The following DPYD variants were observed in gnomAD, a reference collection of about 807,000 sequenced individuals.
The protein encoded by DPYD is dihydropyrimidine dehydrogenase, also known as dihydropyrimidine dehydrogenase [NADP(+)].
DPYD carries 109 observed loss-of-function variants against 116.2 expected under a neutral mutation model. The observed-to-expected ratio is 0.94, with a 90% CI of 0.80 to 1.10. The LOEUF (loss-of-function observed/expected upper bound fraction) is 1.10. DPYD is among the 50% of genes least tolerant of loss of function. The pLI is 0.00. For synonymous variants in DPYD, 440 were observed against 432.0 expected, an observed-to-expected ratio of 1.02 and a Z score of -0.23; for missense variants, 1,302 against 1,254.5, an observed-to-expected ratio of 1.04 and a Z score of -0.57.
intron 20 of DPYD, among the ~76,000 whole-genome samples, chr1:97,182,495 G>A (rs981106174): frequency 1.3e-5 from 2 of 152,048 alleles, no homozygotes; most frequent in Non-Finnish European, 2.9e-5. Flanking sequence ...ATCATAGAAA[G>A]TGACCTCAAT....
intron 13 of DPYD, among the ~76,000 whole-genome samples, chr1:97,453,338 C>T (rs2101801881): frequency 6.6e-6 from 1 of 152,218 alleles, no homozygotes; most frequent in East Asian, 1.9e-4. Context: ...TCCATGACCA[C>T]CTAGGGTATT....
intron 14 of DPYD, among the ~76,000 whole-genome samples, chr1:97,412,494 C>T (rs1162134609): frequency 1.3e-5 from 2 of 152,062 alleles, no homozygotes; most frequent in Non-Finnish European, 2.9e-5. Context: ...AATGAAGTAA[C>T]TTTATGGGGT....
chr1:97,339,667 A>G (rs1242847045), intron 16 of DPYD, among the ~76,000 whole-genome samples: 1 of 152,212 alleles, frequency 6.6e-6, no homozygotes, highest in African/African-American at 2.4e-5. Flanking sequence ...TACCAGAAGC[A>G]AATCTCTTCT....
rs774730464 is a variant in DPYD, at chr1:97,920,902, C to T, written c.21G>A (p.Lys7=). The change falls in exon 1 of 23, where the codon AAG becomes AAA. Residue 7 remains lysine (K), a synonymous_variant. Coordinates refer to ENST00000370192, the MANE Select transcript of DPYD (RefSeq NM_000110.4). The part of the protein sequence containing the change: MAPVLS[K]DSADIESILA... ...TCCGTACCTCGATGTCCGCCGAGTC[C>T]TTACTGAGCACAGGGGCCATGGCAG... 7.3e-5 allele frequency: 117 copies of T among 1,593,690 alleles called. No homozygotes were observed. Among genetic ancestry groups the T allele is most frequent in the Non-Finnish European group, 9.4e-5 (110 of 1,170,600 alleles).
chr1:97,206,117 G>A (rs1463696200), intron 19 of DPYD, among the ~76,000 whole-genome samples: 4 of 151,648 alleles, frequency 2.6e-5, no homozygotes, highest in Middle Eastern at 3.2e-3. Flanking sequence ...GGAGGGGTAC[G>A]GAGCTTCCAT....
At chr1:97,171,510 C>T (rs17116539) in intron 20 of DPYD, among the ~76,000 whole-genome samples, 2,682 of 152,214 alleles carry the variant, frequency 0.018, 39 homozygotes, top group African/African-American at 0.029. Flanking sequence ...TAGGCAAGTG[C>T]GGAGGTTTTG....
rs115854321 is a variant in DPYD at position 97,783,100 on chromosome 1, C to T, written c.234-42621G>A. On this transcript the variant is annotated intron_variant, in intron 3 of 22. Coordinates refer to ENST00000370192, the MANE Select transcript of DPYD (RefSeq NM_000110.4). ...CCCTTTCTATTTCTTACAGAGCCAA[C>T]GCTGTTGAACAGAAAAGGATAAAAA... 2.8e-3 allele frequency among the ~76,000 whole-genome samples: 419 copies of T among 152,268 alleles called. 2 individuals carry two copies. Among genetic ancestry groups the T allele is most frequent in the African/African-American group, 8.9e-3 (370 of 41,552 alleles).
chr1:97,156,415 T>C (rs1655461522), intron 20 of DPYD, among the ~76,000 whole-genome samples: 1 of 151,596 alleles, frequency 6.6e-6, no homozygotes, highest in Admixed American at 6.6e-5. Flanking sequence ...CAAACAAATT[T>C]ACAAGAAAAA....
chr1:97,408,922 AG>A (rs1410099079), intron 14 of DPYD, among the ~76,000 whole-genome samples: 1 of 152,128 alleles, frequency 6.6e-6, no homozygotes, highest in African/African-American at 2.4e-5. Context: ...TTCATTTGTC[AG>A]GGGCTCTTGG....
At chr1:97,428,510 A>G (rs1674999470) in intron 14 of DPYD, among the ~76,000 whole-genome samples, 1 of 152,120 alleles carries the variant, frequency 6.6e-6, no homozygotes, top group African/African-American at 2.4e-5. Context: ...CAATAGAGGC[A>G]GGAAAGCAGT....
chr1:97,137,214 G>A (rs1367583867), intron 20 of DPYD, among the ~76,000 whole-genome samples: 3 of 152,144 alleles, frequency 2.0e-5, no homozygotes. Context: ...CACCAGACAC[G>A]GGCCTCAATG....
chr1:97,839,090 C>T (rs1219398629), intron 2 of DPYD, among the ~76,000 whole-genome samples: 2 of 152,144 alleles, frequency 1.3e-5, no homozygotes, highest in Non-Finnish European at 2.9e-5. Flanking sequence ...CTTTCTCCTA[C>T]AAAATACATC....
intron 14 of DPYD, among the ~76,000 whole-genome samples, chr1:97,389,615 T>C (rs1192189651): frequency 6.6e-6 from 1 of 152,038 alleles, no homozygotes; most frequent in African/African-American, 2.4e-5. Flanking sequence ...GCCATTCTTT[T>C]AGTGAATTCT....
At chr1:97,268,267 T>C (rs886502311) in intron 18 of DPYD, among the ~76,000 whole-genome samples, 3 of 152,112 alleles carry the variant, frequency 2.0e-5, no homozygotes, top group Non-Finnish European at 4.4e-5. Context: ...TGGCGTCTTA[T>C]GCCCGCAGTT....
chr1:97,835,280 G>T (rs979879461), intron 2 of DPYD, among the ~76,000 whole-genome samples: 1 of 152,020 alleles, frequency 6.6e-6, no homozygotes, highest in Admixed American at 6.6e-5. Flanking sequence ...TAAAATGAAG[G>T]TATCAATGAA....
At chr1:97,778,155 C>CAAAA (rs11434465) in intron 3 of DPYD, among the ~76,000 whole-genome samples, 1 of 11,040 alleles carries the variant, frequency 9.1e-5, no homozygotes, top group Non-Finnish European at 1.7e-4. Flanking sequence ...AAGACCCTGT[C>CAAAA]AAAAAAAAAA....
chr1:97,097,008 A>G (rs1292020786), intron 21 of DPYD, among the ~76,000 whole-genome samples: 1 of 152,146 alleles, frequency 6.6e-6, no homozygotes, highest in Non-Finnish European at 1.5e-5. Context: ...TCCAAATCAT[A>G]TAGTAGTCAT....
intron 12 of DPYD, among the ~76,000 whole-genome samples, chr1:97,529,450 C>T (rs368748807): frequency 8.9e-4 from 136 of 152,210 alleles, no homozygotes; most frequent in Non-Finnish European, 1.7e-3. Flanking sequence ...TATTAATATG[C>T]TGAGAGCAGT....
chr1:97,276,409 A>G (rs1472163448), intron 18 of DPYD, among the ~76,000 whole-genome samples: 5 of 152,190 alleles, frequency 3.3e-5, no homozygotes, highest in African/African-American at 1.2e-4. Context: ...TATGCGTCCA[A>G]CAAAAGTCTA....
Sources: gnomAD v4.1 joint callset for allele counts (sites outside exome capture counted in the v4.1 genomes callset) on GRCh38, gnomAD v4.1.1 for gene constraint, MANE v1.5 for transcripts, NCBI Gene and HGNC (gene_info 2026-07-23, HGNC 2026-07-21) for gene names.